Variants in MAST4 observed in about 807,000 individuals in gnomAD.
MAST4 encodes the protein microtubule-associated serine/threonine-protein kinase 4.
MAST4 carries 89 observed loss-of-function variants against 162.7 expected under a neutral mutation model. That is an observed-to-expected ratio of 0.55 (90% CI 0.46 to 0.65). The LOEUF is 0.65. Among genes scored for constraint, MAST4 ranks in the 30% least tolerant of loss-of-function variants. The pLI, the probability that MAST4 is intolerant of heterozygous loss-of-function variation, is 0.00. For synonymous variants in MAST4, 1,479 were observed against 1,361.1 expected (o/e 1.09, Z -1.91); for missense variants, 3,153 against 3,374.0 (o/e 0.93, Z 1.62).
chr5:66,926,583 C>G (rs1440275928), intron 4 of MAST4, among the ~76,000 whole-genome samples: 1 of 151,210 alleles, frequency 6.6e-6, no homozygotes, highest in Non-Finnish European at 1.5e-5. Flanking sequence ...TATACACACA[C>G]ACACACATAT....
In MAST4 at chr5:67,100,432, C is replaced by T. The variant is rs1413792003; in HGVS notation, c.913-3C>T. On this transcript the variant is annotated splice_region_variant and splice_polypyrimidine_tract_variant and intron_variant, in intron 7 of 28. Coordinates refer to ENST00000403625, the MANE Select transcript of MAST4 (RefSeq NM_001164664.2). Reference sequence around the variant, plus strand: ...TATGTGACCTCACTTTGGTTTTTTTCAGTCATCCTGTTCCTCCCAGGAGAA... The same window carrying T: ...TATGTGACCTCACTTTGGTTTTTTTTAGTCATCCTGTTCCTCCCAGGAGAA... 8.1e-6 allele frequency: 13 copies of T among 1,612,370 alleles called. No individual in the cohort carries two copies. The highest frequency in any genetic ancestry group is 1.6e-4 in the Middle Eastern group (1 of 6,068).
intron 4 of MAST4, among the ~76,000 whole-genome samples, chr5:67,000,969 A>G (rs1476064271): frequency 6.6e-6 from 1 of 152,210 alleles, no homozygotes; most frequent in African/African-American, 2.4e-5. Context: ...TAACAATGTC[A>G]TCCTGATTAA....
chr5:66,750,934 T>C (rs550752901), intron 1 of MAST4, among the ~76,000 whole-genome samples: 219 of 152,274 alleles, frequency 1.4e-3, no homozygotes, highest in Middle Eastern at 3.4e-3. Flanking sequence ...TCTCCCAGCA[T>C]GCAGCTGGAG....
At chr5:66,787,560 G>A (rs888472081) in intron 2 of MAST4, among the ~76,000 whole-genome samples, 16 of 152,186 alleles carry the variant, frequency 1.1e-4, no homozygotes, top group Non-Finnish European at 1.2e-4. Flanking sequence ...CACTGCAATC[G>A]TTATTAACCA....
At chr5:66,814,030 C>G (rs962664961) in intron 3 of MAST4, among the ~76,000 whole-genome samples, 2 of 151,962 alleles carry the variant, frequency 1.3e-5, no homozygotes, top group African/African-American at 4.8e-5. Context: ...TCACCTGATC[C>G]GGGGGACCTG....
At chr5:66,637,312 ATCT>A (rs1745187001) in intron 1 of MAST4, among the ~76,000 whole-genome samples, 1 of 150,198 alleles carries the variant, frequency 6.7e-6, no homozygotes, top group African/African-American at 2.5e-5. Context: ...TTCCTGTTTG[ATCT>A]TCTCCTTAGG....
At chr5:66,913,170 A>G (rs1387838368) in intron 4 of MAST4, among the ~76,000 whole-genome samples, 2 of 152,120 alleles carry the variant, frequency 1.3e-5, no homozygotes, top group Non-Finnish European at 1.5e-5. Context: ...AAAGTGCACA[A>G]TTTCATAAGT....
At chr5:66,892,571 T>G (rs1762429228) in intron 3 of MAST4, among the ~76,000 whole-genome samples, 1 of 152,208 alleles carries the variant, frequency 6.6e-6, no homozygotes, top group Non-Finnish European at 1.5e-5. Context: ...AGTGAATTGC[T>G]TCAGTTTTAC....
At chr5:67,126,751 T>C (rs2150975310) in intron 14 of MAST4, among the ~76,000 whole-genome samples, 1 of 152,308 alleles carries the variant, frequency 6.6e-6, no homozygotes, top group African/African-American at 2.4e-5. Context: ...CCCTATGAAA[T>C]TTAAAGAAGC....
intron 1 of MAST4, among the ~76,000 whole-genome samples, chr5:66,613,637 CTG>C (rs1743445332): frequency 6.6e-6 from 1 of 152,098 alleles, no homozygotes; most frequent in South Asian, 2.1e-4. Context: ...GACCTCTGAG[CTG>C]TGTGGACTTG....
chr5:67,133,683 A>G (rs377292046), intron 17 of MAST4, 37 bp downstream of exon 17: 2 of 1,608,496 alleles, frequency 1.2e-6, no homozygotes, highest in Non-Finnish European at 1.7e-6. Context: ...TGAGAAATAC[A>G]AAGTATGGTA....
At chr5:66,677,108 G>A (rs1405321347) in intron 1 of MAST4, among the ~76,000 whole-genome samples, 4 of 152,120 alleles carry the variant, frequency 2.6e-5, no homozygotes, top group Non-Finnish European at 5.9e-5. Context: ...GAAAATTTTG[G>A]CACAAATACC....
intron 12 of MAST4, among the ~76,000 whole-genome samples, chr5:67,115,617 A>G (rs1217180416): frequency 1.3e-5 from 2 of 152,226 alleles, no homozygotes; most frequent in Non-Finnish European, 2.9e-5. Context: ...TGGCTTTTAA[A>G]TTACCATCTT....
chr5:66,755,213 G>A (rs1369342662), intron 1 of MAST4, among the ~76,000 whole-genome samples: 12 of 152,196 alleles, frequency 7.9e-5, no homozygotes, highest in Admixed American at 5.2e-4. Flanking sequence ...AGTTGAGCCT[G>A]GAGGATTTAC....
chr5:66,599,918 G>GGTGTGTGT (rs58314259), intron 1 of MAST4, among the ~76,000 whole-genome samples: 3,551 of 150,076 alleles, frequency 0.024, 131 homozygotes, highest in African/African-American at 0.079. Context: ...TTTCTAAAGG[G>GGTGTGTGT]GTGTGTGTGT....
At chr5:66,736,382 GAC>G (rs34859042) in intron 1 of MAST4, among the ~76,000 whole-genome samples, 30,068 of 143,776 alleles carry the variant, frequency 0.21, 3,336 homozygotes, top group South Asian at 0.36. Context: ...TTAGCCTGCT[GAC>G]ACACACACAC....
At chr5:66,704,759 CAA>C (rs994723324) in intron 1 of MAST4, among the ~76,000 whole-genome samples, 8 of 152,132 alleles carry the variant, frequency 5.3e-5, no homozygotes, top group Non-Finnish European at 8.8e-5. Context: ...CTCAGCCTCC[CAA>C]AGTGCTGGGA....
intron 3 of MAST4, among the ~76,000 whole-genome samples, chr5:66,884,354 T>C (rs76432868): frequency 7.9e-4 from 120 of 152,240 alleles, no homozygotes; most frequent in African/African-American, 2.8e-3. Flanking sequence ...GAACCTTAAG[T>C]TTTTCTTGTC....
chr5:66,784,676 C>T (rs933629322), intron 2 of MAST4, among the ~76,000 whole-genome samples: 11 of 152,144 alleles, frequency 7.2e-5, no homozygotes, highest in Admixed American at 3.3e-4. Flanking sequence ...GTGTGTGACC[C>T]GGCCTAAGAA....
Sources: gnomAD v4.1 joint callset for allele counts (sites outside exome capture counted in the v4.1 genomes callset) on GRCh38, gnomAD v4.1.1 for gene constraint, MANE v1.5 for transcripts, NCBI Gene and HGNC (gene_info 2026-07-23, HGNC 2026-07-21) for gene names.